The following CHERP variants were observed in gnomAD, a reference collection of about 807,000 sequenced individuals.
CHERP encodes the protein calcium homeostasis endoplasmic reticulum protein.
Under a neutral mutation model 113.8 loss-of-function variants are expected in CHERP, and 8 were observed. The observed-to-expected ratio is 0.07, with a 90% confidence interval of 0.04 to 0.13. CHERP has a LOEUF of 0.13. CHERP is among the 10% of genes least tolerant of loss of function. The pLI, the probability that CHERP is intolerant of heterozygous loss-of-function variation, is 1.00. For missense variants in CHERP, 884 were observed against 1,298.2 expected (o/e 0.68, Z 4.90); for synonymous variants, 559 against 524.5 (o/e 1.07, Z -0.90).
At chr19:16,521,181 G>A (rs1599745880) in intron 12 of CHERP, 4 of 583,644 alleles carry the variant, frequency 6.9e-6, no homozygotes, top group South Asian at 4.0e-5. Flanking sequence ...TGGGAAACAG[G>A]AACACTGACT....
Position 16,520,216 on chromosome 19 carries a change from G to A in CHERP, c.2395C>T (p.Arg799Trp), listed in dbSNP as rs2085597067. ...SSRSRSRSQS[R>W]SRSKSYSPGR... The stretch of plus-strand genomic sequence containing the variant: ...GGGGAGTACGACTTGGACCGGGACC[G>A]CGACTGGGACCGGGAGCGGCTTCTG... Residue 799 changes from arginine to tryptophan, a missense_variant, in exon 15 of 17, where the codon CGG (arginine) becomes TGG (tryptophan). By Grantham distance (101) the Arg-to-Trp change is moderately radical. Transcript: ENST00000546361. This position sits in a 1 kb window ranked among gnomAD's most constrained non-coding sequence, Gnocchi z 4.0. 5 of 1,613,258 alleles carry A rather than the reference G, an allele frequency of 3.1e-6. No individual in the cohort carries two copies. Among genetic ancestry groups the A allele is most frequent in the East Asian group, 2.2e-5 (1 of 44,870 alleles).
rs1038452771 is a variant in CHERP at position 16,532,281 on chromosome 19, C to T, written c.674+317G>A. On this transcript the variant is annotated intron_variant, in intron 5 of 16. Coordinates refer to ENST00000546361, the MANE Select transcript of CHERP (RefSeq NM_006387.6). The surrounding 1 kb of genome is among the most constrained non-coding windows in gnomAD (Gnocchi z 4.4). ...CGTGGCTGAGAAGGCAACAAGGAGA[C>T]GCCAAGAAGCTGCCCCATGAGAGGA... 6.7e-6 allele frequency: 2 copies of T among 299,852 alleles called. No individual in the cohort carries two copies. The highest frequency in any genetic ancestry group is 7.1e-5 in the South Asian group (1 of 14,008). 18.6% of individuals were successfully genotyped at this position (299,852 alleles called of 1,614,324 possible). A position where few individuals can be genotyped will look rare whatever the true frequency, so the allele number is the denominator to read the frequency against.
Position 16,532,475 on chromosome 19 carries a change from A to G in CHERP, c.674+123T>C, listed in dbSNP as rs1484185543. Reference sequence around the variant, plus strand: ...GAGACCCCCCACCCGGGGTCCCCGGACAAGTGCCCCCTAGTCTCGGGACAG... The same window carrying G: ...GAGACCCCCCACCCGGGGTCCCCGGGCAAGTGCCCCCTAGTCTCGGGACAG... On this transcript the variant is annotated intron_variant, in intron 5 of 16. Transcript: ENST00000546361. This position sits in a 1 kb window ranked among gnomAD's most constrained non-coding sequence, Gnocchi z 4.4. The G allele has an allele frequency of 3.2e-6, 4 of 1,248,684 alleles. No homozygotes were observed. Among genetic ancestry groups the G allele is most frequent in the Non-Finnish European group, 4.3e-6 (4 of 930,306 alleles). The allele number at this position is 1,248,684 out of a possible 1,614,324, so 77.4% of individuals were successfully genotyped here. A position where few individuals can be genotyped will look rare whatever the true frequency, so the allele number is the denominator to read the frequency against.
At chr19:16,536,987 GGGTGACA>G (rs2085745340) in intron 2 of CHERP, among the ~76,000 whole-genome samples, 1 of 152,134 alleles carries the variant, frequency 6.6e-6, no homozygotes, top group African/African-American at 2.4e-5. Flanking sequence ...ACTCCAGTGT[GGGTGACA>G]GAGTGAGACT....
rs2085738354 is a variant in CHERP, at chr19:16,535,928, C to T, written c.200-292G>A. ...GCACCATCCAGTCCTTGCGCAGTGTCCTTCCGGTGCAAGCTAAGCTTGCCT... is the reference window on the plus strand; with the variant it reads ...GCACCATCCAGTCCTTGCGCAGTGTTCTTCCGGTGCAAGCTAAGCTTGCCT... On this transcript the variant is annotated intron_variant, in intron 2 of 16. Transcript: ENST00000546361. This position sits in a 1 kb window ranked among gnomAD's most constrained non-coding sequence, Gnocchi z 4.3. Among the ~76,000 whole-genome samples, 1 of 152,216 alleles carries T rather than the reference C, an allele frequency of 6.6e-6. No homozygotes were observed. Among genetic ancestry groups the T allele is most frequent in the Admixed American group, 6.5e-5 (1 of 15,280 alleles).
chr19:16,535,397 A>G lies in CHERP; in HGVS notation c.384+55T>C. ...ATTCATTCTGATGAGCAGACGCAAA[A>G]ACAGAGGCACAGGGGAGCTGCTGGT... On this transcript the variant is annotated intron_variant, in intron 3 of 16. Coordinates refer to ENST00000546361, the MANE Select transcript of CHERP (RefSeq NM_006387.6). The surrounding 1 kb of genome is among the most constrained non-coding windows in gnomAD (Gnocchi z 4.3). 6.4e-7 allele frequency: 1 copy of G among 1,565,224 alleles called. No individual in the cohort carries two copies. The highest frequency in any genetic ancestry group is 8.7e-7 in the Non-Finnish European group (1 of 1,155,008).
Position 16,525,400 on chromosome 19 carries a change from G to A in CHERP, c.1583C>T (p.Pro528Leu). The A allele has an allele frequency of 6.6e-7, 1 of 1,505,486 alleles. No homozygotes were observed. Among genetic ancestry groups the A allele is most frequent in the Admixed American group, 2.2e-5 (1 of 44,604 alleles). The allele number at this position is 1,505,486 out of a possible 1,614,324, so 93.3% of individuals were successfully genotyped here. The change falls in exon 10 of 17, where the codon CCC becomes CTC. Residue 528 changes from proline (P) to leucine (L), a missense_variant. Around this residue, in one of 8 missense-constraint regions of CHERP, gnomAD observed 464 missense variants for 590.1 expected, o/e 0.79. Coordinates refer to ENST00000546361, the MANE Select transcript of CHERP (RefSeq NM_006387.6). The surrounding 1 kb of genome is among the most constrained non-coding windows in gnomAD (Gnocchi z 6.5). ...GTTGAACTGCGGGTGCTGCTGGTGGGGCGGGAAGGGCCCCCGGAAGTGTGG... is the reference window on the plus strand; with the variant it reads ...GTTGAACTGCGGGTGCTGCTGGTGGAGCGGGAAGGGCCCCCGGAAGTGTGG... ...RPPHFRGPFP[P>L]HQQHPQFNQP... is the part of the protein sequence containing the mutation.
rs1160447916 is a variant in CHERP, at chr19:16,541,854, G to T, written c.199+16C>A. 2 of 1,609,184 alleles carry T rather than the reference G, an allele frequency of 1.2e-6. No individual in the cohort carries two copies. Among genetic ancestry groups the T allele is most frequent in the Admixed American group, 3.4e-5 (2 of 59,336 alleles). On this transcript the variant is annotated intron_variant, in intron 2 of 16. Transcript: ENST00000546361. ...AAGCGCTCGATGGGACGGCCTGAGTGCCGGAGGGGACTCACGCTGCTGCTG... is the reference window on the plus strand; with the variant it reads ...AAGCGCTCGATGGGACGGCCTGAGTTCCGGAGGGGACTCACGCTGCTGCTG...
At chr19:16,521,500 C>T (rs2085615427) in intron 12 of CHERP, 21 bp downstream of exon 12, 1 of 1,562,330 alleles carries the variant, frequency 6.4e-7, no homozygotes, top group Admixed American at 1.9e-5. Context: ...CCCGCCCACC[C>T]CACTGACCTG....
Position 16,528,164 on chromosome 19 carries a change from G to A in CHERP, c.1221C>T (p.Gly407=), listed in dbSNP as rs2085669360. Residue 407 remains glycine (G), a synonymous_variant, in exon 9 of 17, where the codon GGC becomes GGT. Transcript: ENST00000546361. Reference sequence around the variant, plus strand: ...GTGGGATCTGGTCGTGTGGCCCGGGGCCCCGGGGGCCGGCAGCTGCAGGAT... The same window carrying A: ...GTGGGATCTGGTCGTGTGGCCCGGGACCCCGGGGGCCGGCAGCTGCAGGAT... ...VQDPAAAGPR[G]PGPHDQIPPN... is the part of the protein sequence containing the mutation. 1 of 1,613,224 alleles carries A rather than the reference G, an allele frequency of 6.2e-7. No individual in the cohort carries two copies. The highest frequency in any genetic ancestry group is 8.5e-7 in the Non-Finnish European group (1 of 1,179,798).
chr19:16,534,224 T>C (rs1439625481), intron 3 of CHERP, among the ~76,000 whole-genome samples: 1 of 152,138 alleles, frequency 6.6e-6, no homozygotes, highest in African/African-American at 2.4e-5. Context: ...CTAATTTTTG[T>C]ATTTTTTACT....
chr19:16,524,430 C>G (rs1441005503), intron 10 of CHERP, among the ~76,000 whole-genome samples: 1 of 151,802 alleles, frequency 6.6e-6, no homozygotes, highest in Non-Finnish European at 1.5e-5. Flanking sequence ...GTGGCGCACA[C>G]CTGTAATCCC....
Position 16,519,688 on chromosome 19 carries a change from C to T in CHERP, c.2490G>A (p.Ser830=), listed in dbSNP as rs1265653349. Residue 830 remains serine, a synonymous_variant, in exon 16 of 17, where the codon TCG becomes TCA. Transcript: ENST00000546361. This position sits in a 1 kb window ranked among gnomAD's most constrained non-coding sequence, Gnocchi z 6.0. ...GCCTTGAGTCAGGGATGGGAGGCGC[C>T]GAATTAGAACCCAGACCAGCAGAGG... ...PPSSAGLGSN[S]APPIPDSRLG... is the part of the protein sequence containing the mutation. 15 of 1,613,694 alleles carry T rather than the reference C, an allele frequency of 9.3e-6. No individual in the cohort carries two copies. The highest frequency in any genetic ancestry group is 4.0e-5 in the African/African-American group (3 of 74,886).
At position 16,532,913 on chromosome 19, in the gene CHERP, C is replaced by G. The variant is rs1568262702; in HGVS notation, c.522+98G>C. On this transcript the variant is annotated intron_variant, in intron 4 of 16. Transcript: ENST00000546361. The surrounding 1 kb of genome is among the most constrained non-coding windows in gnomAD (Gnocchi z 4.4). ...GAGCTCCAGGCGGGAGGGAAGGGCA[C>G]CCATTGTAACAGCCCTTAGCCCAGA... The G allele has an allele frequency of 6.6e-7, 1 of 1,510,854 alleles. No homozygotes were observed. Among genetic ancestry groups the G allele is most frequent in the East Asian group, 2.4e-5 (1 of 41,006 alleles). 93.6% of individuals were successfully genotyped at this position (1,510,854 alleles called of 1,614,324 possible).
chr19:16,519,356 G>A lies in CHERP; in HGVS notation c.2558-4C>T. The A allele has an allele frequency of 6.2e-7, 1 of 1,609,284 alleles. No homozygotes were observed. Among genetic ancestry groups the A allele is most frequent in the Non-Finnish European group, 8.5e-7 (1 of 1,178,802 alleles). ...AGGCCGCCTGAGCCGCTCCAGCCTG[G>A]AAACAGAGACGCAGTCACAACCACA... On this transcript the variant is annotated splice_polypyrimidine_tract_variant and splice_region_variant and intron_variant, in intron 16 of 16. Transcript: ENST00000546361. This position sits in a 1 kb window ranked among gnomAD's most constrained non-coding sequence, Gnocchi z 6.0.
In CHERP at chr19:16,530,146, G is replaced by GT. The variant is rs2085689647; in HGVS notation, c.877-247_877-246insA. On this transcript the variant is annotated intron_variant, in intron 7 of 16. Transcript: ENST00000546361. The surrounding 1 kb of genome is among the most constrained non-coding windows in gnomAD (Gnocchi z 4.1). ...ACTCCCTGATAACAGAACGAGCAAC[G>GT]ACAGCCGTGTCCTGGCCGCTTCGTG... Among the ~76,000 whole-genome samples, 1 of 152,328 alleles carries GT rather than the reference G, an allele frequency of 6.6e-6. No homozygotes were observed. Among genetic ancestry groups the GT allele is most frequent in the Admixed American group, 6.5e-5 (1 of 15,312 alleles).
At position 16,518,524 on chromosome 19, in the gene CHERP, G is replaced by A. The variant is rs377089383; in HGVS notation, c.*635C>T. On this transcript the variant is annotated 3_prime_UTR_variant, in exon 17 of 17. Coordinates refer to ENST00000546361, the MANE Select transcript of CHERP (RefSeq NM_006387.6). Reference sequence around the variant, plus strand: ...TACGCCTTCGAAGAATTAGGTTTCAGAATCTCACTGGGCCTCCTCTCAGGT... The same window carrying A: ...TACGCCTTCGAAGAATTAGGTTTCAAAATCTCACTGGGCCTCCTCTCAGGT... The A allele has an allele frequency of 6.6e-6, 1 of 152,234 alleles. No homozygotes were observed. Among genetic ancestry groups the A allele is most frequent in the Non-Finnish European group, 1.5e-5 (1 of 68,068 alleles). The allele number at this position is 152,234 out of a possible 1,614,324, so 9.4% of individuals were successfully genotyped here.
At chr19:16,536,717 C>T (rs1320091407) in intron 2 of CHERP, among the ~76,000 whole-genome samples, 1 of 152,216 alleles carries the variant, frequency 6.6e-6, no homozygotes, top group Non-Finnish European at 1.5e-5. Flanking sequence ...CCCTCCCCAG[C>T]AGCATCTAAA....
rs1456820456 is a variant in CHERP at position 16,525,004 on chromosome 19, C to A, written c.1741+238G>T. Reference sequence around the variant, plus strand: ...TCGCCACGCCCACCCACGGCAGGAACCTTTTCCTACTGGCTCTGCCTCATC... The same window carrying A: ...TCGCCACGCCCACCCACGGCAGGAAACTTTTCCTACTGGCTCTGCCTCATC... On this transcript the variant is annotated intron_variant, in intron 10 of 16. Coordinates refer to ENST00000546361, the MANE Select transcript of CHERP (RefSeq NM_006387.6). This position sits in a 1 kb window ranked among gnomAD's most constrained non-coding sequence, Gnocchi z 6.5. Among the ~76,000 whole-genome samples the A allele has an allele frequency of 6.6e-6, 1 of 152,194 alleles. No individual in the cohort carries two copies. The highest frequency in any genetic ancestry group is 2.4e-5 in the African/African-American group (1 of 41,436).
Sources: gnomAD v4.1 joint callset for allele counts (sites outside exome capture counted in the v4.1 genomes callset) on GRCh38, gnomAD v4.1.1 for gene constraint, gnomAD v4.1.1 regional missense constraint, Gnocchi (gnomAD v3.1) non-coding constraint, MANE v1.5 for transcripts, NCBI Gene and HGNC (gene_info 2026-07-23, HGNC 2026-07-21) for gene names.